Variants in ATF1 observed in about 807,000 individuals in gnomAD.
ATF1 encodes activating transcription factor 1, also known as cyclic AMP-dependent transcription factor ATF-1.
In ATF1, 16 loss-of-function variants were observed where a neutral mutation model predicts 34.7. The ratio of observed to expected loss-of-function variants is 0.46; its 90% confidence interval spans 0.31 to 0.70. ATF1 has a LOEUF of 0.70. ATF1 is among the 30% of genes least tolerant of loss of function. The pLI is 0.05. For missense variants in ATF1, 255 were observed against 321.6 expected, an observed-to-expected ratio of 0.79 and a Z score of 1.58; for synonymous variants, 105 against 113.1, an observed-to-expected ratio of 0.93 and a Z score of 0.46.
intron 2 of ATF1, among the ~76,000 whole-genome samples, chr12:50,782,187 T>C (rs967481648): frequency 6.6e-6 from 1 of 152,156 alleles, no homozygotes; most frequent in Non-Finnish European, 1.5e-5. Context: ...TATGATAACA[T>C]AATTAATGTA....
At chr12:50,788,041 A>G (rs904277193) in intron 2 of ATF1, among the ~76,000 whole-genome samples, 2 of 152,190 alleles carry the variant, frequency 1.3e-5, no homozygotes, top group Non-Finnish European at 2.9e-5. Flanking sequence ...GTTTGGGGAC[A>G]TTGAAGAGGG....
intron 2 of ATF1, among the ~76,000 whole-genome samples, chr12:50,791,661 C>G (rs1360190281): frequency 1.3e-5 from 2 of 152,050 alleles, no homozygotes; most frequent in African/African-American, 4.8e-5. Context: ...AGAAGTAGTC[C>G]AGGATTTTAT....
At chr12:50,818,877 A>C (rs964517264) in intron 6 of ATF1, among the ~76,000 whole-genome samples, 34 of 152,320 alleles carry the variant, frequency 2.2e-4, no homozygotes, top group African/African-American at 8.2e-4. Flanking sequence ...AAGTGCTGGG[A>C]TTACAGGCAT....
rs566968790 is a variant in ATF1 at position 50,810,230 on chromosome 12, T to G, written c.328+641T>G. Among the ~76,000 whole-genome samples, 166 of 151,316 alleles carry G rather than the reference T, an allele frequency of 1.1e-3. 1 individual carries two copies. Among genetic ancestry groups the G allele is most frequent in the Non-Finnish European group, 2.1e-3 (141 of 67,710 alleles). ...CAGAACATTCCTGGCTTTTTTTTTT[T>G]TTTTTGAGGTGGAGTTTCGCTCTGT... On this transcript the variant is annotated intron_variant, in intron 4 of 6. Transcript: ENST00000262053.
intron 6 of ATF1, among the ~76,000 whole-genome samples, chr12:50,814,649 C>A (rs1164119821): frequency 6.6e-6 from 1 of 152,120 alleles, no homozygotes; most frequent in Non-Finnish European, 1.5e-5. Flanking sequence ...ACATTACTCA[C>A]GTTTGTGGCA....
chr12:50,775,024 C>T (rs949073262), intron 1 of ATF1, among the ~76,000 whole-genome samples: 1 of 151,612 alleles, frequency 6.6e-6, no homozygotes, highest in East Asian at 1.9e-4. Flanking sequence ...GATTACAGGC[C>T]TGAGCCACCG....
intron 2 of ATF1, among the ~76,000 whole-genome samples, chr12:50,793,944 A>ATTTATT (rs879588639): frequency 1.3e-5 from 2 of 151,558 alleles, no homozygotes; most frequent in African/African-American, 2.4e-5. Context: ...GTTATTTTTT[A>ATTTATT]TTTATTTTTA....
chr12:50,772,814 A>G (rs1353655337), intron 1 of ATF1, among the ~76,000 whole-genome samples: 1 of 151,926 alleles, frequency 6.6e-6, no homozygotes, highest in Non-Finnish European at 1.5e-5. Context: ...GGTTTACTGC[A>G]TAGGTAAACA....
At chr12:50,769,870 T>C (rs1592163852) in intron 1 of ATF1, among the ~76,000 whole-genome samples, 1 of 152,322 alleles carries the variant, frequency 6.6e-6, no homozygotes, top group African/African-American at 2.4e-5. Flanking sequence ...CTTTGGAAAT[T>C]GTAACATTAG....
chr12:50,803,184 G>A (rs755310066), intron 3 of ATF1, among the ~76,000 whole-genome samples: 37 of 151,602 alleles, frequency 2.4e-4, no homozygotes, highest in African/African-American at 8.7e-4. Flanking sequence ...CAGGAGAATC[G>A]CTTGAACTGG....
chr12:50,809,349 G>T, intron 3 of ATF1, 107 bp from the exon 4 acceptor site: 1 of 1,016,898 alleles, frequency 9.8e-7, no homozygotes, highest in Admixed American at 2.8e-5. Context: ...ACTCCAGCCT[G>T]GGTGACAAAG....
chr12:50,795,757 T>A (rs1941395034), intron 2 of ATF1, 152 bp from the exon 3 acceptor site: 1 of 660,302 alleles, frequency 1.5e-6, no homozygotes, highest in African/African-American at 1.9e-5. Context: ...TCATTTTTCC[T>A]TTTCCTTTTG....
At chr12:50,771,660 A>C (rs566475151) in intron 1 of ATF1, among the ~76,000 whole-genome samples, 1 of 152,174 alleles carries the variant, frequency 6.6e-6, no homozygotes, top group Non-Finnish European at 1.5e-5. Flanking sequence ...GGGTAAAATG[A>C]GGCTAAAACC....
Position 50,814,190 on chromosome 12 carries a change from AAAGT to A in ATF1, c.511+4_511+7del, listed in dbSNP as rs781775467. ...GTGCCCAGCAATCAGGTGGTCGTAC[AAAGT>A]AAGTATGCTTTCTGTCTACAGAAAG... On this transcript the variant is annotated splice_donor_variant and coding_sequence_variant, in exon 5 of 7. Coordinates refer to ENST00000262053, the MANE Select transcript of ATF1 (RefSeq NM_005171.5). LOFTEE classifies it high-confidence loss of function. 2.5e-6 allele frequency: 4 copies of A among 1,613,830 alleles called. No homozygotes were observed. The Admixed American group carries it at 6.7e-5, about 27-fold the overall frequency.
At chr12:50,788,544 G>T (rs544299280) in intron 2 of ATF1, among the ~76,000 whole-genome samples, 8 of 151,878 alleles carry the variant, frequency 5.3e-5, no homozygotes, top group African/African-American at 1.9e-4. Flanking sequence ...GAGTGCAGTG[G>T]CATGATCATA....
chr12:50,788,123 G>A, intron 2 of ATF1: 1 of 423,752 alleles, frequency 2.4e-6, no homozygotes, highest in Non-Finnish European at 4.7e-6. Flanking sequence ...ATGGTCAGCT[G>A]TGTAAAATGT....
At chr12:50,798,857 A>C (rs1452700226) in intron 3 of ATF1, among the ~76,000 whole-genome samples, 3 of 152,218 alleles carry the variant, frequency 2.0e-5, no homozygotes, top group Non-Finnish European at 4.4e-5. Flanking sequence ...ATACATTTCT[A>C]CCAAAAATGA....
intron 3 of ATF1, among the ~76,000 whole-genome samples, chr12:50,807,808 T>G (rs1941646481): frequency 8.0e-6 from 1 of 125,056 alleles, no homozygotes; most frequent in Non-Finnish European, 1.8e-5. Flanking sequence ...GTGTGTTTTT[T>G]TTTTGTTTTT....
chr12:50,770,787 G>A, intron 1 of ATF1, among the ~76,000 whole-genome samples: 1 of 152,106 alleles, frequency 6.6e-6, no homozygotes. Context: ...GGCTAACCCT[G>A]CGTATTCTTG....
Sources: allele counts gnomAD v4.1 joint callset (sites outside exome capture counted in the v4.1 genomes callset), GRCh38; gene constraint gnomAD v4.1.1; transcripts MANE v1.5; gene names NCBI Gene and HGNC (gene_info 2026-07-23, HGNC 2026-07-21).